The following CENPM variants were observed in gnomAD, a reference collection of about 807,000 sequenced individuals.
CENPM encodes interphase centromere complex protein 39.
In CENPM, 14 loss-of-function variants were observed where a neutral mutation model predicts 19.6. That is an observed-to-expected ratio of 0.71 (90% CI 0.47 to 1.11). CENPM has a LOEUF of 1.11. CENPM is among the 50% of genes most tolerant of loss of function. The probability of loss-of-function intolerance (pLI) is 0.00; values close to 1 mark genes in which losing one functional copy is unlikely to be tolerated. For synonymous variants in CENPM, 114 were observed against 101.5 expected, an observed-to-expected ratio of 1.12 and a Z score of -0.74; for missense variants, 239 against 228.4, an observed-to-expected ratio of 1.05 and a Z score of -0.30.
At chr22:41,946,665 G>T in intron 1 of CENPM, 169 bp from the exon 2 acceptor site, 1 of 623,070 alleles carries the variant, frequency 1.6e-6, no homozygotes, top group South Asian at 1.9e-5. Flanking sequence ...GGGGCCTGAG[G>T]TTTGGACCCG....
downstream of CENPM, among the ~76,000 whole-genome samples, chr22:41,933,898 ACCAGCCTG>A (rs1427216106): frequency 6.6e-6 from 1 of 152,038 alleles, no homozygotes; most frequent in Non-Finnish European, 1.5e-5. Flanking sequence ...CTCCTCGCCC[ACCAGCCTG>A]CCAGCCCGTA....
At chr22:41,936,758 T>C (rs748547882), downstream of CENPM, among the ~76,000 whole-genome samples, 38 of 152,164 alleles carry the variant, frequency 2.5e-4, no homozygotes, top group Admixed American at 7.9e-4. Context: ...GCGAAACCTG[T>C]GTCTACTAAA....
intron 1 of CENPM, 180 bp from the exon 2 acceptor site, chr22:41,946,676 C>T: frequency 1.6e-6 from 1 of 612,152 alleles, no homozygotes; most frequent in South Asian, 2.0e-5. Context: ...TTTGGACCCG[C>T]TGCAGGCCTG....
intron 1 of CENPM, chr22:41,946,757 A>T: frequency 1.7e-6 from 1 of 598,424 alleles, no homozygotes; most frequent in Admixed American, 3.0e-5. Flanking sequence ...AGACCCCCAG[A>T]CGCGGGAAAA....
chr22:41,928,396 A>T, the CENPM span, among the ~76,000 whole-genome samples: 4 of 152,138 alleles, frequency 2.6e-5, no homozygotes, highest in Non-Finnish European at 2.9e-5. This position sits in a 1 kb window ranked among gnomAD's most constrained non-coding sequence, Gnocchi z 4.0. Context: ...TCCTGGTCAC[A>T]TGCTACCCCC....
At position 41,943,629 on chromosome 22, in the gene CENPM, A is replaced by AG. The variant is rs1382411130; in HGVS notation, c.382dup (p.Leu128ProfsTer5). 2.5e-6 allele frequency: 4 copies of AG among 1,613,754 alleles called. No homozygotes were observed. Among genetic ancestry groups the AG allele is most frequent in the Non-Finnish European group, 3.4e-6 (4 of 1,179,890 alleles). Reference sequence around the variant, plus strand: ...GCTCACCTCCAGGTCACAGTAGAGCAGGGGGCTTTGATAGGTGTGGGCCAG... The same window carrying AG: ...GCTCACCTCCAGGTCACAGTAGAGCAGGGGGGCTTTGATAGGTGTGGGCCAG... On this transcript the variant is annotated frameshift_variant, in exon 5 of 6. Coordinates refer to ENST00000215980, the MANE Select transcript of CENPM (RefSeq NM_024053.5). LOFTEE classifies it high-confidence loss of function.
At chr22:41,929,376 G>A in the CENPM span, among the ~76,000 whole-genome samples, 1 of 152,210 alleles carries the variant, frequency 6.6e-6, no homozygotes, top group East Asian at 1.9e-4. Flanking sequence ...GGCAGACTGA[G>A]GCTTGTGGGA....
At chr22:41,937,701 A>G (rs1311454494), downstream of CENPM, among the ~76,000 whole-genome samples, 1 of 152,082 alleles carries the variant, frequency 6.6e-6, no homozygotes, top group African/African-American at 2.4e-5. Flanking sequence ...AATCCTCCCA[A>G]CGTGACAAGG....
intron 3 of CENPM, 165 bp from the exon 4 acceptor site, chr22:41,945,469 T>A (rs1602393338): frequency 1.8e-6 from 2 of 1,130,358 alleles, no homozygotes; most frequent in Non-Finnish European, 1.2e-6. Flanking sequence ...TTTTTTTTTT[T>A]AGATGGAGTT....
rs765008124 is a variant in CENPM at position 41,939,141 on chromosome 22, C to G, written c.458G>C (p.Cys153Ser). 1 of 1,612,866 alleles carries G rather than the reference C, an allele frequency of 6.2e-7. No individual in the cohort carries two copies. Among genetic ancestry groups the G allele is most frequent in the Middle Eastern group, 1.7e-4 (1 of 6,058 alleles). The change falls in exon 6 of 6, where the codon TGT becomes TCT. Residue 153 changes from cysteine to serine, a missense_variant. Physicochemically the swap from Cys to Ser is moderately radical, Grantham distance 112 (BLOSUM62 -1). Transcript: ENST00000215980. ...AQRLVRVLQICAGHVPGVSAL... is the reference protein window; with the variant it reads ...AQRLVRVLQISAGHVPGVSAL... ...TGAGACACCGGGCACGTGGCCAGCA[C>G]AGATCTGCAGCACGCGCACCAGGCG...
the CENPM span, among the ~76,000 whole-genome samples, chr22:41,927,767 G>A: frequency 5.9e-5 from 9 of 152,148 alleles, no homozygotes; most frequent in Admixed American, 5.2e-4. Flanking sequence ...CCAAAGTGCT[G>A]GGATTATAGG....
chr22:41,936,418 C>T (rs2077683995), downstream of CENPM, among the ~76,000 whole-genome samples: 1 of 152,230 alleles, frequency 6.6e-6, no homozygotes, highest in Admixed American at 6.5e-5. Flanking sequence ...ATCTACGTGG[C>T]TGAAGTCCTC....
chr22:41,936,637 A>G (rs1426405727), downstream of CENPM, among the ~76,000 whole-genome samples: 2 of 152,206 alleles, frequency 1.3e-5, no homozygotes, highest in African/African-American at 4.8e-5. Context: ...CAAAGCAGAG[A>G]GGCCTTAGGC....
intron 5 of CENPM, among the ~76,000 whole-genome samples, chr22:41,940,389 TTTTTG>T (rs1195323520): frequency 5.9e-5 from 9 of 152,146 alleles, no homozygotes; most frequent in Non-Finnish European, 1.0e-4. Context: ...GCTGGGGCTT[TTTTTG>T]TTTTGTTTTG....
chr22:41,927,424 T>G, the CENPM span, among the ~76,000 whole-genome samples: 1 of 151,930 alleles, frequency 6.6e-6, no homozygotes. Flanking sequence ...TGACCCCGAG[T>G]GCTCCCCTGC....
intron 5 of CENPM, among the ~76,000 whole-genome samples, chr22:41,940,390 T>C (rs985523367): frequency 6.6e-6 from 1 of 152,102 alleles, no homozygotes; most frequent in South Asian, 2.1e-4. Context: ...CTGGGGCTTT[T>C]TTTGTTTTGT....
At chr22:41,942,237 C>G (rs1320676148) in intron 5 of CENPM, among the ~76,000 whole-genome samples, 1 of 152,236 alleles carries the variant, frequency 6.6e-6, no homozygotes, top group Non-Finnish European at 1.5e-5. Flanking sequence ...TGGGACCCCT[C>G]AGTAGACCCA....
the CENPM span, among the ~76,000 whole-genome samples, chr22:41,928,964 C>T: frequency 2.2e-4 from 34 of 152,228 alleles, no homozygotes; most frequent in African/African-American, 7.9e-4. This position sits in a 1 kb window ranked among gnomAD's most constrained non-coding sequence, Gnocchi z 4.0. Context: ...CCCAGTCAGC[C>T]AGCCCTGACT....
the CENPM span, among the ~76,000 whole-genome samples, chr22:41,927,867 G>A: frequency 6.6e-6 from 1 of 152,314 alleles, no homozygotes; most frequent in East Asian, 1.9e-4. Flanking sequence ...TCACACTTGT[G>A]CTGATGGGGG....
Sources: allele counts gnomAD v4.1 joint callset (sites outside exome capture counted in the v4.1 genomes callset), GRCh38; gene constraint gnomAD v4.1.1; non-coding constraint Gnocchi (gnomAD v3.1); transcripts MANE v1.5; gene names NCBI Gene and HGNC (gene_info 2026-07-23, HGNC 2026-07-21).